Variants in CADPS2 observed in about 807,000 individuals in gnomAD.
The protein encoded by CADPS2 is calcium dependent secretion activator 2.
In CADPS2, 93 loss-of-function variants were observed where a neutral mutation model predicts 172.5. The ratio of observed to expected loss-of-function variants is 0.54; its 90% CI spans 0.46 to 0.64. The LOEUF (loss-of-function observed/expected upper bound fraction) is 0.64, where lower values mean the gene tolerates loss of function less well. CADPS2 is among the 30% of genes least tolerant of loss of function. The pLI is 0.00. For missense variants in CADPS2, 1,420 were observed against 1,565.9 expected (o/e 0.91, Z 1.57); for synonymous variants, 546 against 555.2 (o/e 0.98, Z 0.23).
At chr7:122,774,269 TACACACACACACACACAC>T (rs56843003) in intron 1 of CADPS2, among the ~76,000 whole-genome samples, 62 of 143,064 alleles carry the variant, frequency 4.3e-4, no homozygotes, top group African/African-American at 1.3e-3. Flanking sequence ...TAGATAGATA[TACACACACACACACACAC>T]ACACACACAC....
chr7:122,432,372 G>C (rs1422537280), intron 17 of CADPS2, among the ~76,000 whole-genome samples: 1 of 152,090 alleles, frequency 6.6e-6, no homozygotes, highest in Non-Finnish European at 1.5e-5. Context: ...AGGCACTGTG[G>C]CTCATGCTTG....
intron 8 of CADPS2, among the ~76,000 whole-genome samples, 191 bp downstream of exon 8, chr7:122,554,359 G>A (rs2064740729): frequency 6.6e-6 from 1 of 152,046 alleles, no homozygotes; most frequent in Non-Finnish European, 1.5e-5. Flanking sequence ...TCTTAACTAA[G>A]GACTCATGTA....
intron 1 of CADPS2, among the ~76,000 whole-genome samples, chr7:122,773,667 G>T (rs1005976509): frequency 6.6e-6 from 1 of 152,020 alleles, no homozygotes; most frequent in Non-Finnish European, 1.5e-5. Context: ...GTTGTGCAGT[G>T]AACAAGTATT....
At chr7:122,541,837 GTTTATATATT>G (rs59217839) in intron 8 of CADPS2, among the ~76,000 whole-genome samples, 1,034 of 53,278 alleles carry the variant, frequency 0.019, 16 homozygotes, top group African/African-American at 0.053. Flanking sequence ...ATATTCATAT[GTTTATATATT>G]CATATATATT....
chr7:122,456,381 A>T (rs545296724), intron 14 of CADPS2, among the ~76,000 whole-genome samples: 25 of 152,216 alleles, frequency 1.6e-4, no homozygotes, highest in Admixed American at 9.2e-4. Flanking sequence ...AAGAAAGGGT[A>T]GTCTTATGTA....
intron 8 of CADPS2, among the ~76,000 whole-genome samples, chr7:122,532,116 T>C (rs866855933): frequency 6.6e-6 from 1 of 152,216 alleles, no homozygotes; most frequent in African/African-American, 2.4e-5. Flanking sequence ...TGCCCCGACA[T>C]TGCAAAAAGT....
intron 6 of CADPS2, among the ~76,000 whole-genome samples, chr7:122,614,703 G>T (rs761298820): frequency 6.6e-6 from 1 of 152,078 alleles, no homozygotes; most frequent in African/African-American, 2.4e-5. Context: ...TCTGAATATC[G>T]TGCGGTAGTC....
At chr7:122,867,327 A>G (rs550405160) in intron 1 of CADPS2, among the ~76,000 whole-genome samples, 60 of 152,152 alleles carry the variant, frequency 3.9e-4, no homozygotes, top group Non-Finnish European at 7.5e-4. Flanking sequence ...TGAGAAATCA[A>G]TTCTCTCCAA....
intron 17 of CADPS2, among the ~76,000 whole-genome samples, chr7:122,437,605 A>G (rs185297462): frequency 6.6e-4 from 100 of 152,102 alleles, no homozygotes; most frequent in African/African-American, 2.3e-3. Flanking sequence ...CTATTAGTTA[A>G]TCCTGCATGT....
At chr7:122,573,985 C>G (rs1174923409) in intron 7 of CADPS2, among the ~76,000 whole-genome samples, 1 of 152,030 alleles carries the variant, frequency 6.6e-6, no homozygotes, top group Non-Finnish European at 1.5e-5. Context: ...TACACACTTA[C>G]TGGAATACAT....
chr7:122,712,570 AT>A (rs1365980640), intron 2 of CADPS2, among the ~76,000 whole-genome samples: 8 of 152,082 alleles, frequency 5.3e-5, no homozygotes, highest in East Asian at 3.9e-4. Flanking sequence ...TCATGGTTAT[AT>A]TTTTTCCAAG....
At chr7:122,593,277 A>T (rs2071186669) in intron 6 of CADPS2, among the ~76,000 whole-genome samples, 1 of 152,058 alleles carries the variant, frequency 6.6e-6, no homozygotes, top group Non-Finnish European at 1.5e-5. Flanking sequence ...CTACAAATTT[A>T]TTCTACATAG....
At chr7:122,490,384 C>T in intron 10 of CADPS2, 103 bp from the exon 11 acceptor site, 1 of 805,650 alleles carries the variant, frequency 1.2e-6, no homozygotes, top group South Asian at 1.7e-5. Context: ...TTGATATTAG[C>T]AGTTAAATGT....
chr7:122,701,747 C>G, intron 2 of CADPS2: 2 of 915,660 alleles, frequency 2.2e-6, no homozygotes, highest in Non-Finnish European at 3.3e-6. Flanking sequence ...GAAATTTTCT[C>G]TCTACATAAA....
chr7:122,834,730 G>A (rs984461049), intron 1 of CADPS2, among the ~76,000 whole-genome samples: 4 of 152,326 alleles, frequency 2.6e-5, no homozygotes, highest in Non-Finnish European at 5.9e-5. Context: ...CGGCAGCGAG[G>A]CTGGGGGAGG....
chr7:122,356,650 A>T (rs2039443513), intron 27 of CADPS2, among the ~76,000 whole-genome samples: 1 of 152,160 alleles, frequency 6.6e-6, no homozygotes, highest in African/African-American at 2.4e-5. Context: ...TCTCCCCATT[A>T]TGTACTTCAA....
intron 19 of CADPS2, chr7:122,409,494 G>T: frequency 3.3e-6 from 1 of 307,258 alleles, no homozygotes; most frequent in East Asian, 9.4e-5. Context: ...ACAGCTTCAG[G>T]TTGGCAAGAT....
intron 28 of CADPS2, among the ~76,000 whole-genome samples, chr7:122,338,098 T>C (rs987313896): frequency 6.6e-6 from 1 of 152,206 alleles, no homozygotes; most frequent in Non-Finnish European, 1.5e-5. Context: ...CAACAATGTT[T>C]ATAAATAAAT....
chr7:122,444,571 G>A (rs1345577818), intron 15 of CADPS2, among the ~76,000 whole-genome samples: 2 of 152,096 alleles, frequency 1.3e-5, no homozygotes, highest in South Asian at 2.1e-4. Context: ...GAATAATGAC[G>A]TTGAGCATCT....
Sources: allele counts gnomAD v4.1 joint callset (sites outside exome capture counted in the v4.1 genomes callset), GRCh38; gene constraint gnomAD v4.1.1; transcripts MANE v1.5; gene names NCBI Gene and HGNC (gene_info 2026-07-23, HGNC 2026-07-21).